IGSF21: variants seen among roughly 807,000 people sequenced by gnomAD.
IGSF21 encodes the protein immunoglobulin superfamily member 21.
A neutral mutation model predicts 46.8 loss-of-function variants in IGSF21; 28 were observed. The observed-to-expected ratio is 0.60, with a 90% confidence interval of 0.44 to 0.82. The LOEUF is 0.82. Among genes scored for constraint, IGSF21 ranks in the 40% least tolerant of loss-of-function variants. The pLI, the probability that IGSF21 is intolerant of heterozygous loss-of-function variation, is 0.00. For synonymous variants in IGSF21, 284 were observed against 273.6 expected, an observed-to-expected ratio of 1.04 and a Z score of -0.38; for missense variants, 624 against 665.5, an observed-to-expected ratio of 0.94 and a Z score of 0.69.
intron 1 of IGSF21, among the ~76,000 whole-genome samples, chr1:18,168,934 C>T (rs930214693): frequency 1.3e-5 from 2 of 152,108 alleles, no homozygotes; most frequent in East Asian, 1.9e-4. Context: ...TGGACAGCCC[C>T]GAGGGGCCCC....
chr1:18,297,139 G>A (rs1569753558), intron 3 of IGSF21, among the ~76,000 whole-genome samples: 1 of 152,090 alleles, frequency 6.6e-6, no homozygotes, highest in Non-Finnish European at 1.5e-5. Context: ...GAAGCCCCAT[G>A]AGGACAGGGA....
At chr1:18,122,189 C>CTTTTTTT (rs2086239575) in intron 1 of IGSF21, among the ~76,000 whole-genome samples, 1 of 102,088 alleles carries the variant, frequency 9.8e-6, no homozygotes, top group South Asian at 3.1e-4. Context: ...TTCTTTCTTT[C>CTTTTTTT]TTTCTTTTTT....
At chr1:18,127,313 G>A (rs2086282344) in intron 1 of IGSF21, among the ~76,000 whole-genome samples, 1 of 152,234 alleles carries the variant, frequency 6.6e-6, no homozygotes, top group Admixed American at 6.5e-5. Context: ...CTGTGGGATA[G>A]TGAGGGACTC....
chr1:18,176,744 G>A (rs1309480899), intron 1 of IGSF21, among the ~76,000 whole-genome samples: 1 of 152,164 alleles, frequency 6.6e-6, no homozygotes, highest in Non-Finnish European at 1.5e-5. Context: ...TTAGAATACA[G>A]AGCAATTCCC....
intron 3 of IGSF21, among the ~76,000 whole-genome samples, chr1:18,297,109 C>T (rs2124571068): frequency 6.6e-6 from 1 of 152,206 alleles, no homozygotes; most frequent in African/African-American, 2.4e-5. Context: ...TCAGAGTCTG[C>T]CCGCCCCCCC....
Position 18,227,913 on chromosome 1 carries a change from A to G in IGSF21, c.86A>G (p.Asn29Ser), listed in dbSNP as rs997197056. The change falls in exon 2 of 10, where the codon AAC becomes AGC. Residue 29 changes from asparagine to serine, a missense_variant. Physicochemically the swap from Asn to Ser is conservative, Grantham distance 46. Coordinates refer to ENST00000251296, the MANE Select transcript of IGSF21 (RefSeq NM_032880.5). The part of the protein sequence containing the change: ...LDLARGYLTV[N>S]IEPLPPVVAG... ...TCTTCTGTAGGCTACCTGACAGTCA[A>G]CATTGAGCCTCTCCCCCCTGTGGTG... is the stretch of plus-strand genomic sequence containing the variant. The G allele has an allele frequency of 3.7e-6, 6 of 1,613,802 alleles. No homozygotes were observed. The highest frequency in any genetic ancestry group is 1.1e-5 in the South Asian group (1 of 91,070).
chr1:18,260,175 G>A (rs908866757), intron 2 of IGSF21, among the ~76,000 whole-genome samples: 2 of 152,222 alleles, frequency 1.3e-5, no homozygotes, highest in Admixed American at 1.3e-4. Flanking sequence ...GCGAAGATGT[G>A]GAGAGGGGCA....
chr1:18,249,478 G>A (rs939458992), intron 2 of IGSF21, among the ~76,000 whole-genome samples: 2 of 152,164 alleles, frequency 1.3e-5, no homozygotes, highest in African/African-American at 4.8e-5. Context: ...TGAGGGAGAG[G>A]GAAAGGTGGT....
At chr1:18,278,203 CATTCATTTATTTATTTATTTATTTATTT>C (rs1338402250) in intron 2 of IGSF21, among the ~76,000 whole-genome samples, 2 of 122,770 alleles carry the variant, frequency 1.6e-5, no homozygotes, top group Admixed American at 7.9e-5. Flanking sequence ...AACATGGCTG[CATTCATTTATTTATTTATTTATTTATTT>C]ATTTATTTAT....
At chr1:18,306,962 C>T (rs1478575774) in intron 3 of IGSF21, among the ~76,000 whole-genome samples, 1 of 152,206 alleles carries the variant, frequency 6.6e-6, no homozygotes, top group Admixed American at 6.5e-5. Context: ...TCCAGGAACC[C>T]AGTCAGCCGA....
chr1:18,354,307 G>A (rs1416339007), intron 4 of IGSF21, among the ~76,000 whole-genome samples: 3 of 152,162 alleles, frequency 2.0e-5, no homozygotes, highest in Non-Finnish European at 4.4e-5. Flanking sequence ...GAAGCAGGGA[G>A]GGCTTCCCAG....
intron 1 of IGSF21, 38 bp from the exon 2 acceptor site, chr1:18,227,860 C>A: frequency 6.7e-7 from 1 of 1,501,180 alleles, no homozygotes; most frequent in Non-Finnish European, 9.3e-7. Flanking sequence ...CTCTGATCTG[C>A]TCGTGCCCTT....
chr1:18,210,597 C>G lies in IGSF21; in HGVS notation c.71-17301C>G, dbSNP rs562700740. Among the ~76,000 whole-genome samples the G allele has an allele frequency of 1.3e-4, 20 of 152,290 alleles. No individual in the cohort carries two copies. The East Asian group carries it at 2.9e-3, about 22-fold the overall frequency. ...CTCCTGAGTCCACGTGCATACCCCC[C>G]TGAAGTTTGTTTTCTTACCTTTATT... On this transcript the variant is annotated intron_variant, in intron 1 of 9. Transcript: ENST00000251296.
chr1:18,336,102 G>A (rs2085763277), intron 4 of IGSF21, among the ~76,000 whole-genome samples: 1 of 152,196 alleles, frequency 6.6e-6, no homozygotes, highest in African/African-American at 2.4e-5. Context: ...AATCATTTAT[G>A]CATCACAATG....
intron 1 of IGSF21, among the ~76,000 whole-genome samples, chr1:18,108,421 CTT>C (rs1051646432): frequency 1.3e-5 from 2 of 151,060 alleles, no homozygotes; most frequent in African/African-American, 4.9e-5. Flanking sequence ...AATTGTGTGT[CTT>C]TGTTGTGTGT....
intron 6 of IGSF21, among the ~76,000 whole-genome samples, chr1:18,367,691 C>T (rs766057696): frequency 6.8e-6 from 1 of 146,228 alleles, no homozygotes; most frequent in Admixed American, 7.0e-5. Flanking sequence ...ACTGCAACCT[C>T]AGCCTCCCAG....
In IGSF21 at chr1:18,225,062, A is replaced by ATCTCTCTCTCTCTCTCTCTCTCTCTCTC. The variant is rs111721151; in HGVS notation, c.71-2812_71-2811insTCTCTCTCTCTCTCTCTCTCTCTCTCTC. On this transcript the variant is annotated intron_variant, in intron 1 of 9. Coordinates refer to ENST00000251296, the MANE Select transcript of IGSF21 (RefSeq NM_032880.5). ...CCTGGATGACAGAGTGAGACTCTGTATCTCTCTCTCTCTCTCTCTCTCTCA... is the reference window on the plus strand; with the variant it reads ...CCTGGATGACAGAGTGAGACTCTGTATCTCTCTCTCTCTCTCTCTCTCTCTCTCTCTCTCTCTCTCTCTCTCTCTCTCA... Among the ~76,000 whole-genome samples, 6 of 63,812 alleles carry ATCTCTCTCTCTCTCTCTCTCTCTCTCTC rather than the reference A, an allele frequency of 9.4e-5. 1 individual carries two copies. Among genetic ancestry groups the ATCTCTCTCTCTCTCTCTCTCTCTCTCTC allele is most frequent in the African/African-American group, 3.5e-4 (6 of 16,962 alleles). 41.9% of individuals were successfully genotyped at this position (63,812 alleles called of 152,430 possible).
chr1:18,283,466 G>A (rs780034500), intron 2 of IGSF21, among the ~76,000 whole-genome samples: 76 of 152,322 alleles, frequency 5.0e-4, no homozygotes, highest in Non-Finnish European at 9.1e-4. Flanking sequence ...CTCTGGCCCA[G>A]CTCCCAGGCC....
At chr1:18,201,373 G>T (rs2087072736) in intron 1 of IGSF21, among the ~76,000 whole-genome samples, 1 of 152,238 alleles carries the variant, frequency 6.6e-6, no homozygotes, top group Non-Finnish European at 1.5e-5. Flanking sequence ...GGTAGGAGCA[G>T]AATCGTGGCT....
Sources: allele counts gnomAD v4.1 joint callset (sites outside exome capture counted in the v4.1 genomes callset), GRCh38; gene constraint gnomAD v4.1.1; transcripts MANE v1.5; gene names NCBI Gene and HGNC (gene_info 2026-07-23, HGNC 2026-07-21).